RNF180: variants seen among roughly 807,000 people sequenced by gnomAD.
The protein encoded by RNF180 is ring finger protein 180, also known as E3 ubiquitin-protein ligase RNF180.
A neutral mutation model predicts 59.2 loss-of-function variants in RNF180; 38 were observed. The observed-to-expected ratio is 0.64, with a 90% CI of 0.50 to 0.84. The LOEUF (loss-of-function observed/expected upper bound fraction) is 0.84, where lower values mean the gene tolerates loss of function less well. RNF180 is among the 40% of genes least tolerant of loss of function. The probability of loss-of-function intolerance (pLI) is 0.00; values close to 1 mark genes in which losing one functional copy is unlikely to be tolerated. For synonymous variants in RNF180, 262 were observed against 240.3 expected, an observed-to-expected ratio of 1.09 and a Z score of -0.84; for missense variants, 705 against 700.9, an observed-to-expected ratio of 1.01 and a Z score of -0.07.
In RNF180 at chr5:64,369,886, G is replaced by A. The variant is rs1036726341; in HGVS notation, c.*72G>A. ...AACAATTGCTTAAACATTTTTAAAT[G>A]TGCTTTGAAGTTTTTTTAATGTTGC... On this transcript the variant is annotated 3_prime_UTR_variant, in exon 8 of 8. Transcript: ENST00000389100. 58 of 862,086 alleles carry A rather than the reference G, an allele frequency of 6.7e-5. No individual in the cohort carries two copies. Among genetic ancestry groups the A allele is most frequent in the Non-Finnish European group, 9.7e-5 (58 of 599,018 alleles). The allele number at this position is 862,086 out of a possible 1,614,324, so 53.4% of individuals were successfully genotyped here. A position where few individuals can be genotyped will look rare whatever the true frequency, so the allele number is the denominator to read the frequency against.
chr5:64,181,581 G>T (rs1252048245), intron 1 of RNF180, among the ~76,000 whole-genome samples: 1 of 152,138 alleles, frequency 6.6e-6, no homozygotes, highest in African/African-American at 2.4e-5. Flanking sequence ...AGGTGAACAG[G>T]ACTGAGTGCT....
At position 64,243,124 on chromosome 5, in the gene RNF180, C is replaced by T. The variant is rs193035257; in HGVS notation, c.1227+25728C>T. Among the ~76,000 whole-genome samples, 226 of 152,324 alleles carry T rather than the reference C, an allele frequency of 1.5e-3. 1 individual carries two copies. Among genetic ancestry groups the T allele is most frequent in the African/African-American group, 5.2e-3 (217 of 41,566 alleles). On this transcript the variant is annotated intron_variant, in intron 5 of 7. Transcript: ENST00000389100. ...AGGAGATTCCCTCAGGTGCCTACAC[C>T]AACAGAGCCCTGGGTTTCAAGCACA...
intron 5 of RNF180, among the ~76,000 whole-genome samples, chr5:64,289,348 T>A (rs1044754723): frequency 3.9e-5 from 6 of 152,178 alleles, no homozygotes; most frequent in Non-Finnish European, 7.3e-5. Context: ...TGGCCTGAAG[T>A]TTCCTGTTTT....
At chr5:64,240,284 A>G (rs1441315676) in intron 5 of RNF180, among the ~76,000 whole-genome samples, 4 of 152,232 alleles carry the variant, frequency 2.6e-5, no homozygotes, top group African/African-American at 9.6e-5. Context: ...AGATCAGTAT[A>G]ATAAAGGCTG....
chr5:64,308,152 A>G (rs1384821029), intron 5 of RNF180, among the ~76,000 whole-genome samples: 2 of 151,750 alleles, frequency 1.3e-5, no homozygotes, highest in African/African-American at 2.4e-5. Flanking sequence ...AGGTGAAGAG[A>G]GTCTAGTTTA....
Position 64,234,760 on chromosome 5 carries a change from T to G in RNF180, c.1227+17364T>G, listed in dbSNP as rs549863061. Among the ~76,000 whole-genome samples, 5 of 151,000 alleles carry G rather than the reference T, an allele frequency of 3.3e-5. No individual in the cohort carries two copies. In the East Asian group the frequency reaches 1.0e-3, roughly 31 times the overall value. On this transcript the variant is annotated intron_variant, in intron 5 of 7. Transcript: ENST00000389100. ...GACTACAGGCGCCCGCCACCACGCCTGGCTAATTTTTTGTATTTTTAGTAG... is the reference window on the plus strand; with the variant it reads ...GACTACAGGCGCCCGCCACCACGCCGGGCTAATTTTTTGTATTTTTAGTAG...
intron 2 of RNF180, among the ~76,000 whole-genome samples, chr5:64,201,224 T>C (rs1751727871): frequency 6.6e-6 from 1 of 152,244 alleles, no homozygotes. Context: ...AAGCTGAAGA[T>C]AATAGTCAAT....
chr5:64,200,933 A>C lies in RNF180; in HGVS notation c.126A>C (p.Gln42His). Residue 42 changes from glutamine (Q) to histidine (H), a missense_variant, in exon 2 of 8, where the codon CAA becomes CAC. Physicochemically the swap from Gln to His is conservative, Grantham distance 24 (BLOSUM62 0). Coordinates refer to ENST00000389100, the MANE Select transcript of RNF180 (RefSeq NM_001113561.2). ...GTTTTATGGAGTATCTTGAGAATCA[A>C]GTGATTAAGGTGAGTATTGGTAACT... is the stretch of plus-strand genomic sequence containing the variant. ...SGCFMEYLEN[Q>H]VIKDKDDSVD... The C allele has an allele frequency of 6.2e-7, 1 of 1,613,802 alleles. No homozygotes were observed. Among genetic ancestry groups the C allele is most frequent in the South Asian group, 1.1e-5 (1 of 91,064 alleles).
chr5:64,263,050 C>T (rs1246238060), intron 5 of RNF180, among the ~76,000 whole-genome samples: 1 of 152,134 alleles, frequency 6.6e-6, no homozygotes, highest in Non-Finnish European at 1.5e-5. Context: ...AGAAATAAGT[C>T]CTGGCCCTAA....
intron 5 of RNF180, among the ~76,000 whole-genome samples, chr5:64,226,897 T>C (rs1399679126): frequency 2.6e-5 from 4 of 152,218 alleles, no homozygotes; most frequent in Non-Finnish European, 5.9e-5. Flanking sequence ...TAATTGGAAG[T>C]TGGCAACCAA....
At chr5:64,301,957 A>G (rs894346497) in intron 5 of RNF180, among the ~76,000 whole-genome samples, 1 of 151,670 alleles carries the variant, frequency 6.6e-6, no homozygotes, top group Non-Finnish European at 1.5e-5. Context: ...AACTTAACAC[A>G]TATACACTCT....
chr5:64,329,386 G>A (rs1744791536), intron 6 of RNF180, among the ~76,000 whole-genome samples: 1 of 151,970 alleles, frequency 6.6e-6, no homozygotes, highest in East Asian at 1.9e-4. Context: ...ATTAAGCGGA[G>A]GATGGTTTCA....
chr5:64,337,769 T>C (rs1454172118), intron 7 of RNF180, among the ~76,000 whole-genome samples: 1 of 151,680 alleles, frequency 6.6e-6, no homozygotes, highest in African/African-American at 2.4e-5. Flanking sequence ...TGGTTTTTTG[T>C]CCTTGCGATA....
At chr5:64,244,155 A>C (rs1743001799) in intron 5 of RNF180, among the ~76,000 whole-genome samples, 2 of 152,228 alleles carry the variant, frequency 1.3e-5, no homozygotes, top group African/African-American at 4.8e-5. Flanking sequence ...AAAAAGGCTG[A>C]AAATTCCAAA....
chr5:64,219,782 G>A (rs191380510), intron 5 of RNF180, among the ~76,000 whole-genome samples: 1 of 152,026 alleles, frequency 6.6e-6, no homozygotes, highest in South Asian at 2.1e-4. Flanking sequence ...GCCTCCCAAA[G>A]TGCTAGGATT....
At chr5:64,312,384 G>T (rs940691251) in intron 5 of RNF180, among the ~76,000 whole-genome samples, 1 of 152,054 alleles carries the variant, frequency 6.6e-6, no homozygotes, top group Non-Finnish European at 1.5e-5. Context: ...GTTCTATGCT[G>T]TATTGTCAGA....
chr5:64,207,154 A>C (rs997073230), intron 2 of RNF180, among the ~76,000 whole-genome samples: 4 of 151,940 alleles, frequency 2.6e-5, no homozygotes, highest in African/African-American at 7.2e-5. Flanking sequence ...TTAATAGTGA[A>C]ATAATTTAAT....
In RNF180 at chr5:64,371,685, T is replaced by C. The variant is rs916186995; in HGVS notation, c.*1871T>C. 1 of 151,616 alleles carries C rather than the reference T, an allele frequency of 6.6e-6. No individual in the cohort carries two copies. Among genetic ancestry groups the C allele is most frequent in the East Asian group, 1.9e-4 (1 of 5,160 alleles). The allele number at this position is 151,616 out of a possible 1,614,324, so 9.4% of individuals were successfully genotyped here. On this transcript the variant is annotated 3_prime_UTR_variant, in exon 8 of 8. Coordinates refer to ENST00000389100, the MANE Select transcript of RNF180 (RefSeq NM_001113561.2). ...AAGCATTCAAAATGGATTGAGTATA[T>C]TTATCTTGACTAATAACTTGATCTG... is the stretch of plus-strand genomic sequence containing the variant.
At chr5:64,204,982 C>T (rs1319277269) in intron 2 of RNF180, among the ~76,000 whole-genome samples, 1 of 152,118 alleles carries the variant, frequency 6.6e-6, no homozygotes, top group African/African-American at 2.4e-5. Context: ...GAAACAACAT[C>T]AATAGCTGTT....
Sources: allele counts gnomAD v4.1 joint callset (sites outside exome capture counted in the v4.1 genomes callset), GRCh38; gene constraint gnomAD v4.1.1; transcripts MANE v1.5; gene names NCBI Gene and HGNC (gene_info 2026-07-23, HGNC 2026-07-21).